The following YIPF5 variants were observed in gnomAD, a reference collection of about 807,000 sequenced individuals.
The protein encoded by YIPF5 is Yip1 domain family member 5, also known as protein YIPF5.
A neutral mutation model predicts 30.4 loss-of-function variants in YIPF5; 8 were observed. The observed-to-expected ratio is 0.26, with a 90% confidence interval of 0.15 to 0.47. The LOEUF (loss-of-function observed/expected upper bound fraction) is 0.47, where lower values mean the gene tolerates loss of function less well. YIPF5 is among the 20% of genes least tolerant of loss of function. The pLI is 0.99. For synonymous variants in YIPF5, 104 were observed against 107.9 expected (o/e 0.96, Z 0.23); for missense variants, 282 against 301.8 (o/e 0.93, Z 0.49).
At position 144,168,559 on chromosome 5, in the gene YIPF5, G is replaced by A. The variant is rs556341030; in HGVS notation, c.110+1287C>T. On this transcript the variant is annotated intron_variant, in intron 2 of 5. Coordinates refer to ENST00000274496, the MANE Select transcript of YIPF5 (RefSeq NM_030799.9). ...ACCTCAATACAAATTTTCCAACTCT[G>A]CCCATTAATTTATCAAAAGAGATAA... 4.8e-4 allele frequency among the ~76,000 whole-genome samples: 73 copies of A among 152,204 alleles called. 2 individuals are homozygous for A. In the South Asian group the frequency reaches 0.014, roughly 30 times the overall value.
rs76154531 is a variant in YIPF5 at position 144,168,851 on chromosome 5, T to C, written c.110+995A>G. Among the ~76,000 whole-genome samples, 1,071 of 152,326 alleles carry C rather than the reference T, an allele frequency of 7.0e-3. 16 individuals carry two copies. Among genetic ancestry groups the C allele is most frequent in the African/African-American group, 0.024 (1,016 of 41,564 alleles). ...ACTCTAATCCAAACACATTCCTGTA[T>C]TGCATGTTTCTCACAAACTGACAGA... On this transcript the variant is annotated intron_variant, in intron 2 of 5. Transcript: ENST00000274496.
intron 2 of YIPF5, among the ~76,000 whole-genome samples, chr5:144,167,900 G>A (rs1472999009): frequency 6.7e-6 from 1 of 149,036 alleles, no homozygotes; most frequent in Non-Finnish European, 1.5e-5. Context: ...ATATTATTTG[G>A]TTAACGGAGA....
chr5:144,162,166 C>T, intron 5 of YIPF5, 52 bp downstream of exon 5: 1 of 1,549,052 alleles, frequency 6.5e-7, no homozygotes, highest in Non-Finnish European at 8.8e-7. Context: ...TGAGGTGAAT[C>T]CTACTACATA....
chr5:144,161,762 A>C (rs1752053332), intron 5 of YIPF5, among the ~76,000 whole-genome samples: 1 of 152,234 alleles, frequency 6.6e-6, no homozygotes, highest in Non-Finnish European at 1.5e-5. Flanking sequence ...CTCTTATCAT[A>C]AAAAGAATAC....
At chr5:144,162,195 C>T (rs1027836888) in intron 5 of YIPF5, 23 bp downstream of exon 5, 1 of 1,605,476 alleles carries the variant, frequency 6.2e-7, no homozygotes, top group African/African-American at 1.3e-5. Context: ...CAATCAACCC[C>T]CAAAATAAAG....
At chr5:144,164,298 T>C (rs752565678) in intron 3 of YIPF5, 42 bp from the exon 4 acceptor site, 5 of 1,557,454 alleles carry the variant, frequency 3.2e-6, no homozygotes, top group East Asian at 2.3e-5. Flanking sequence ...GGATTTGTGA[T>C]GTATTTTTAA....
chr5:144,158,305 T>A lies in YIPF5; in HGVS notation c.*2092A>T, dbSNP rs1447929816. 5 of 699,290 alleles carry A rather than the reference T, an allele frequency of 7.2e-6. No individual in the cohort carries two copies. In the East Asian group the frequency reaches 3.6e-4, roughly 50 times the overall value. The allele number at this position is 699,290 out of a possible 1,614,324, so 43.3% of individuals were successfully genotyped here. A position where few individuals can be genotyped will look rare whatever the true frequency, so the allele number is the denominator to read the frequency against. ...AAATGCAACTCCACTGCATAGCTGT[T>A]TTGACAGAGCAACAGTTAAGCATAA... On this transcript the variant is annotated 3_prime_UTR_variant, in exon 6 of 6. Transcript: ENST00000274496.
At position 144,159,638 on chromosome 5, in the gene YIPF5, GAGA is replaced by G; in HGVS notation, c.*756_*758del. The G allele has an allele frequency of 1.7e-5, 17 of 984,612 alleles. No homozygotes were observed. Among genetic ancestry groups the G allele is most frequent in the Non-Finnish European group, 2.0e-5 (17 of 829,826 alleles). The allele number at this position is 984,612 out of a possible 1,614,324, so 61.0% of individuals were successfully genotyped here. The stretch of plus-strand genomic sequence containing the variant: ...TTTTTTGCTTTGAGTTACCTGACTT[GAGA>G]ATACAAGGCAATTTTTCTTTCCTAA... On this transcript the variant is annotated 3_prime_UTR_variant, in exon 6 of 6. Transcript: ENST00000274496.
intron 5 of YIPF5, among the ~76,000 whole-genome samples, chr5:144,161,246 T>C (rs1412882302): frequency 2.0e-5 from 3 of 151,122 alleles, no homozygotes; most frequent in Admixed American, 1.3e-4. Context: ...TGTCTAACAC[T>C]AGTCACATGG....
chr5:144,165,417 T>C lies in YIPF5; in HGVS notation c.283+15A>G. 6.2e-7 allele frequency: 1 copy of C among 1,613,902 alleles called. No homozygotes were observed. Among genetic ancestry groups the C allele is most frequent in the Non-Finnish European group, 8.5e-7 (1 of 1,179,786 alleles). ...AATACTATTGAGTACTATCAAGTGTTGCAACAAATCTTACCTTCTAATAAA... is the reference window on the plus strand; with the variant it reads ...AATACTATTGAGTACTATCAAGTGTCGCAACAAATCTTACCTTCTAATAAA... On this transcript the variant is annotated intron_variant, in intron 3 of 5. Coordinates refer to ENST00000274496, the MANE Select transcript of YIPF5 (RefSeq NM_030799.9).
rs548958928 is a variant in YIPF5, at chr5:144,158,997, C to G, written c.*1400G>C. On this transcript the variant is annotated 3_prime_UTR_variant, in exon 6 of 6. Coordinates refer to ENST00000274496, the MANE Select transcript of YIPF5 (RefSeq NM_030799.9). ...ACTGAGCTTTGTCCAGAATCAGAGA[C>G]AGTTTTTCTAGAAAAAGCCAATGAT... 19 of 984,120 alleles carry G rather than the reference C, an allele frequency of 1.9e-5. No individual in the cohort carries two copies. Among genetic ancestry groups the G allele is most frequent in the Admixed American group, 6.2e-5 (1 of 16,188 alleles). 61.0% of individuals were successfully genotyped at this position (984,120 alleles called of 1,614,324 possible).
At position 144,158,328 on chromosome 5, in the gene YIPF5, T is replaced by C; in HGVS notation, c.*2069A>G. 1 of 843,956 alleles carries C rather than the reference T, an allele frequency of 1.2e-6. No homozygotes were observed. Among genetic ancestry groups the C allele is most frequent in the Non-Finnish European group, 1.6e-6 (1 of 609,984 alleles). The allele number at this position is 843,956 out of a possible 1,614,324, so 52.3% of individuals were successfully genotyped here. The stretch of plus-strand genomic sequence containing the variant: ...GTTTTGACAGAGCAACAGTTAAGCA[T>C]AAAATAGCTTTGCACCTTATTATTT... On this transcript the variant is annotated 3_prime_UTR_variant, in exon 6 of 6. Coordinates refer to ENST00000274496, the MANE Select transcript of YIPF5 (RefSeq NM_030799.9).
At chr5:144,160,636 C>A in intron 5 of YIPF5, 77 bp from the exon 6 acceptor site, 2 of 1,216,680 alleles carry the variant, frequency 1.6e-6, no homozygotes, top group Admixed American at 2.7e-5. Flanking sequence ...CTACAATAAC[C>A]TATTCTAAAG....
chr5:144,168,716 A>T (rs975312798), intron 2 of YIPF5, among the ~76,000 whole-genome samples: 83 of 152,360 alleles, frequency 5.4e-4, no homozygotes, highest in Non-Finnish European at 1.6e-4. Flanking sequence ...TACCAAATTA[A>T]GCAGACTCAA....
intron 1 of YIPF5, 176 bp from the exon 2 acceptor site, chr5:144,170,141 A>G (rs1242173357): frequency 3.3e-6 from 2 of 601,600 alleles, no homozygotes; most frequent in African/African-American, 1.9e-5. Context: ...GAGAGTAAGA[A>G]AATGTATATT....
chr5:144,168,835 C>T (rs115931605), intron 2 of YIPF5, among the ~76,000 whole-genome samples: 1,525 of 152,254 alleles, frequency 0.01, 25 homozygotes, highest in African/African-American at 0.035. Flanking sequence ...CACTCTAATC[C>T]AAACACATTC....
chr5:144,163,605 A>C (rs891795282), intron 4 of YIPF5, among the ~76,000 whole-genome samples: 58 of 152,292 alleles, frequency 3.8e-4, no homozygotes, highest in African/African-American at 1.4e-3. Context: ...ACATAAGATA[A>C]AATAAATATT....
rs961957532 is a variant in YIPF5 at position 144,158,380 on chromosome 5, C to CA, written c.*2016dup. 4.7e-5 allele frequency: 56 copies of CA among 1,190,894 alleles called. No individual in the cohort carries two copies. Among genetic ancestry groups the CA allele is most frequent in the Admixed American group, 4.4e-4 (15 of 34,356 alleles). The allele number at this position is 1,190,894 out of a possible 1,614,324, so 73.8% of individuals were successfully genotyped here. On this transcript the variant is annotated 3_prime_UTR_variant, in exon 6 of 6. Coordinates refer to ENST00000274496, the MANE Select transcript of YIPF5 (RefSeq NM_030799.9). ...GGAGCAAAATAAAAAATAACCACCA[C>CA]AAAAAAAATCTCTACAATAATTTAA...
rs1468892250 is a variant in YIPF5 at position 144,158,273 on chromosome 5, G to C, written c.*2124C>G. ...CAACTCTGCATGTAATCAAACTCTA[G>C]AACATCAAATGCAACTCCACTGCAT... On this transcript the variant is annotated 3_prime_UTR_variant, in exon 6 of 6. Transcript: ENST00000274496. 2 of 476,680 alleles carry C rather than the reference G, an allele frequency of 4.2e-6. No individual in the cohort carries two copies. The highest frequency in any genetic ancestry group is 4.5e-5 in the Admixed American group (1 of 22,100). 29.5% of individuals were successfully genotyped at this position (476,680 alleles called of 1,614,324 possible). A position where few individuals can be genotyped will look rare whatever the true frequency, so the allele number is the denominator to read the frequency against.
Sources: gnomAD v4.1 joint callset for allele counts (sites outside exome capture counted in the v4.1 genomes callset) on GRCh38, gnomAD v4.1.1 for gene constraint, MANE v1.5 for transcripts, NCBI Gene and HGNC (gene_info 2026-07-23, HGNC 2026-07-21) for gene names.